ZBTB17: variants seen among roughly 807,000 people sequenced by gnomAD.
The protein encoded by ZBTB17 is zinc finger and BTB domain-containing protein 17.
Under a neutral mutation model 85.1 loss-of-function variants are expected in ZBTB17, and 24 were observed. The ratio of observed to expected loss-of-function variants is 0.28; its 90% CI spans 0.20 to 0.40. ZBTB17 has a LOEUF of 0.40. ZBTB17 is among the 10% of genes least tolerant of loss of function. ZBTB17 has a pLI of 1.00. For missense variants in ZBTB17, 743 were observed against 1,105.1 expected (o/e 0.67, Z 4.65); for synonymous variants, 464 against 460.2 (o/e 1.01, Z -0.11).
intron 2 of ZBTB17, among the ~76,000 whole-genome samples, chr1:15,963,989 G>A (rs1020187304): frequency 6.6e-6 from 1 of 151,806 alleles, no homozygotes; most frequent in Non-Finnish European, 1.5e-5. Context: ...GTGTGGTGGC[G>A]AGTGCCTGTG....
chr1:15,959,114 C>T (rs1216248418), intron 2 of ZBTB17, among the ~76,000 whole-genome samples: 1 of 152,210 alleles, frequency 6.6e-6, no homozygotes, highest in South Asian at 2.1e-4. Context: ...GCAGCCTGAA[C>T]CAGTGGCCTT....
At chr1:15,957,374 G>A (rs904706214) in intron 2 of ZBTB17, among the ~76,000 whole-genome samples, 1 of 126,840 alleles carries the variant, frequency 7.9e-6, no homozygotes, top group Non-Finnish European at 1.7e-5. Flanking sequence ...TGTGTGTGGA[G>A]AGGAGGAGGT....
At chr1:15,967,256 G>C (rs928292836) in intron 2 of ZBTB17, among the ~76,000 whole-genome samples, 2 of 150,346 alleles carry the variant, frequency 1.3e-5, no homozygotes, top group Non-Finnish European at 3.0e-5. Context: ...TGTGCTAGTA[G>C]TCCCAGCTAC....
intron 4 of ZBTB17, 62 bp downstream of exon 4, chr1:15,946,873 G>C (rs1232906943): frequency 6.5e-7 from 1 of 1,540,966 alleles, no homozygotes; most frequent in African/African-American, 1.4e-5. Context: ...GTCAGAGGCA[G>C]AGCCCACATC....
rs140920553 is a variant in ZBTB17 at position 15,973,094 on chromosome 1, T to C, written c.-58A>G. ...TTTCTGACAGTTTGCCTGTGTAAAC[T>C]CCAGCTTGGCTCCCCTCGTCCGGCT... On this transcript the variant is annotated 5_prime_UTR_variant, in exon 2 of 16. Coordinates refer to ENST00000375743, the MANE Select transcript of ZBTB17 (RefSeq NM_003443.3). The surrounding 1 kb of genome is among the most constrained non-coding windows in gnomAD (Gnocchi z 4.1). 1.4e-3 allele frequency: 208 copies of C among 152,312 alleles called. No individual in the cohort carries two copies. Among genetic ancestry groups the C allele is most frequent in the African/African-American group, 4.9e-3 (204 of 41,564 alleles). The allele number at this position is 152,312 out of a possible 1,614,324, so 9.4% of individuals were successfully genotyped here.
chr1:15,963,611 C>T (rs1002645853), intron 2 of ZBTB17, among the ~76,000 whole-genome samples: 2 of 152,166 alleles, frequency 1.3e-5, no homozygotes, highest in Non-Finnish European at 2.9e-5. Flanking sequence ...AGGGAAAAAT[C>T]TTCCCTGAGA....
At chr1:15,946,833 G>T in intron 4 of ZBTB17, 102 bp downstream of exon 4, 2 of 1,390,110 alleles carry the variant, frequency 1.4e-6, no homozygotes, top group East Asian at 2.5e-5. Context: ...AACCGAGGCA[G>T]GGCCAGATGA....
intron 2 of ZBTB17, among the ~76,000 whole-genome samples, chr1:15,968,464 G>C (rs1184985022): frequency 6.6e-6 from 1 of 152,132 alleles, no homozygotes; most frequent in Non-Finnish European, 1.5e-5. Context: ...AGGAAGCCTC[G>C]GATCATAATT....
At chr1:15,947,969 C>T (rs890075440) in intron 3 of ZBTB17, among the ~76,000 whole-genome samples, 12 of 152,218 alleles carry the variant, frequency 7.9e-5, no homozygotes, top group Non-Finnish European at 1.6e-4. Context: ...AGGACTGACT[C>T]TGCCACGGAA....
At chr1:15,945,959 AC>A in intron 5 of ZBTB17, 119 bp from the exon 6 acceptor site, 1 of 1,546,164 alleles carries the variant, frequency 6.5e-7, no homozygotes, top group South Asian at 1.1e-5. Flanking sequence ...GCCCCAGCAC[AC>A]CCCTAGCCAA....
chr1:15,954,447 C>A (rs1200063449), intron 2 of ZBTB17, among the ~76,000 whole-genome samples: 2 of 152,236 alleles, frequency 1.3e-5, no homozygotes, highest in Non-Finnish European at 2.9e-5. Context: ...TGAGCCTTGA[C>A]ATGAGCCATC....
In ZBTB17 at chr1:15,944,588, G is replaced by C; in HGVS notation, c.1083C>G (p.Pro361=). ...AHEKTHSPLK[P]YGCEECGKSY... ...TCTTCCCGCACTCCTCGCAGCCGTA[G>C]GGCTTCAGAGGGCTGCAGGGCCAGA... is the stretch of plus-strand genomic sequence containing the variant. Residue 361 remains proline, a synonymous_variant, in exon 9 of 16, where the codon CCC becomes CCG. Coordinates refer to ENST00000375743, the MANE Select transcript of ZBTB17 (RefSeq NM_003443.3). The C allele has an allele frequency of 1.9e-6, 3 of 1,599,016 alleles. No homozygotes were observed. Among genetic ancestry groups the C allele is most frequent in the Non-Finnish European group, 2.5e-6 (3 of 1,179,356 alleles).
intron 2 of ZBTB17, among the ~76,000 whole-genome samples, chr1:15,955,291 A>C (rs781738446): frequency 6.6e-6 from 1 of 152,232 alleles, no homozygotes; most frequent in Admixed American, 6.5e-5. Flanking sequence ...CTTTGAGTGC[A>C]AGACATGGCA....
intron 2 of ZBTB17, among the ~76,000 whole-genome samples, chr1:15,969,364 T>A (rs1280253768): frequency 6.6e-6 from 1 of 152,138 alleles, no homozygotes; most frequent in Non-Finnish European, 1.5e-5. Context: ...TGTAAGGTGT[T>A]TAAGTCAACC....
At chr1:15,974,064 G>A (rs1405851826) in intron 1 of ZBTB17, among the ~76,000 whole-genome samples, 1 of 151,882 alleles carries the variant, frequency 6.6e-6, no homozygotes, top group Non-Finnish European at 1.5e-5. Context: ...TATGGTGCAC[G>A]CCTGTAGTCC....
At position 15,945,075 on chromosome 1, in the gene ZBTB17, G is replaced by A; in HGVS notation, c.789C>T (p.Pro263=). 4.3e-6 allele frequency: 7 copies of A among 1,611,492 alleles called. No individual in the cohort carries two copies. Among genetic ancestry groups the A allele is most frequent in the Non-Finnish European group, 5.9e-6 (7 of 1,179,192 alleles). ...EGSQLENGEA[P]EENENEESAG... is the part of the protein sequence containing the mutation. Reference sequence around the variant, plus strand: ...CTGACTCCTCATTCTCGTTCTCCTCGGGGGCCTCTCCGTTCTCCAGCTGGG... The same window carrying A: ...CTGACTCCTCATTCTCGTTCTCCTCAGGGGCCTCTCCGTTCTCCAGCTGGG... Residue 263 remains proline, a synonymous_variant, in exon 7 of 16, where the codon CCC becomes CCT. Transcript: ENST00000375743.
intron 3 of ZBTB17, among the ~76,000 whole-genome samples, chr1:15,947,592 G>C (rs773453404): frequency 1.3e-5 from 2 of 152,112 alleles, no homozygotes; most frequent in Non-Finnish European, 1.5e-5. Flanking sequence ...TGAGGACAGA[G>C]GTGTGAATGC....
intron 3 of ZBTB17, chr1:15,948,084 C>T: frequency 1.6e-6 from 1 of 637,440 alleles, no homozygotes; most frequent in Middle Eastern, 2.7e-4. Flanking sequence ...CCTGCCCGTT[C>T]TCCCCTTACC....
At chr1:15,945,330 C>T in intron 6 of ZBTB17, 128 bp from the exon 7 acceptor site, 1 of 1,446,100 alleles carries the variant, frequency 6.9e-7, no homozygotes, top group South Asian at 1.4e-5. Context: ...CCCGGGGGGG[C>T]CTGTGAACTG....
Sources: gnomAD v4.1 joint callset for allele counts (sites outside exome capture counted in the v4.1 genomes callset) on GRCh38, gnomAD v4.1.1 for gene constraint, Gnocchi (gnomAD v3.1) non-coding constraint, MANE v1.5 for transcripts, NCBI Gene and HGNC (gene_info 2026-07-23, HGNC 2026-07-21) for gene names.